DAB2IP: variants seen among roughly 807,000 people sequenced by gnomAD.
DAB2IP encodes disabled homolog 2-interacting protein.
DAB2IP carries 28 observed loss-of-function variants against 107.2 expected under a neutral mutation model. The observed-to-expected ratio is 0.26, with a 90% confidence interval of 0.19 to 0.36. The LOEUF (loss-of-function observed/expected upper bound fraction) is 0.36. DAB2IP is among the 10% of genes least tolerant of loss of function. DAB2IP has a pLI of 1.00. For synonymous variants in DAB2IP, 755 were observed against 706.4 expected (o/e 1.07, Z -1.09); for missense variants, 1,400 against 1,644.7 (o/e 0.85, Z 2.57).
At chr9:121,616,620 C>G (rs1257754380) in intron 1 of DAB2IP, among the ~76,000 whole-genome samples, 1 of 152,142 alleles carries the variant, frequency 6.6e-6, no homozygotes, top group Non-Finnish European at 1.5e-5. Flanking sequence ...TGCATGGGAG[C>G]GCTCCTGACT....
At chr9:121,761,089 C>T (rs1202599590) in intron 6 of DAB2IP, among the ~76,000 whole-genome samples, 2 of 152,198 alleles carry the variant, frequency 1.3e-5, no homozygotes, top group East Asian at 3.9e-4. Context: ...TTTCACCTTC[C>T]GCTCCCGAAG....
chr9:121,734,221 C>CA (rs1831727190), intron 3 of DAB2IP, among the ~76,000 whole-genome samples: 1 of 148,572 alleles, frequency 6.7e-6, no homozygotes, highest in South Asian at 2.1e-4. Flanking sequence ...ACTAAAAATA[C>CA]AAAAAATTAG....
At chr9:121,785,379 G>A (rs1386155744) in exon 16 of DAB2IP, 1 of 152,652 alleles carries the variant, frequency 6.6e-6, no homozygotes, top group African/African-American at 2.4e-5. Context: ...TGCAAACGTT[G>A]GAGTTTGGGC....
At chr9:121,648,942 G>A (rs1832641194), upstream of DAB2IP, among the ~76,000 whole-genome samples, 1 of 152,194 alleles carries the variant, frequency 6.6e-6, no homozygotes, top group Admixed American at 6.5e-5. Context: ...GGCGCCGGCG[G>A]GAGGTGGGAG....
intron 3 of DAB2IP, among the ~76,000 whole-genome samples, chr9:121,722,924 A>G (rs1354393435): frequency 6.6e-6 from 1 of 152,238 alleles, no homozygotes; most frequent in East Asian, 1.9e-4. Flanking sequence ...TTACTCCACC[A>G]AAAGCCACGG....
At chr9:121,650,776 T>G (rs1832712141), upstream of DAB2IP, among the ~76,000 whole-genome samples, 1 of 151,954 alleles carries the variant, frequency 6.6e-6, no homozygotes, top group East Asian at 1.9e-4. Flanking sequence ...GGGTGGACTT[T>G]GGTCGGGTGG....
At chr9:121,630,717 C>T (rs1831844992) in intron 1 of DAB2IP, among the ~76,000 whole-genome samples, 1 of 151,730 alleles carries the variant, frequency 6.6e-6, no homozygotes, top group African/African-American at 2.4e-5. Context: ...AAGCAATTCT[C>T]CTGCCTCAGC....
chr9:121,651,019 A>G (rs1180736271), upstream of DAB2IP, among the ~76,000 whole-genome samples: 1 of 152,152 alleles, frequency 6.6e-6, no homozygotes, highest in Non-Finnish European at 1.5e-5. This position sits in a 1 kb window ranked among gnomAD's most constrained non-coding sequence, Gnocchi z 5.1. Flanking sequence ...GGGAGTTGGT[A>G]CCTTTCCTTC....
rs1321797445 is a variant in DAB2IP at position 121,634,483 on chromosome 9, C to G, written c.41-44195C>G. On this transcript the variant is annotated intron_variant, in intron 1 of 16. Coordinates refer to the DAB2IP transcript ENST00000259371. The surrounding 1 kb of genome is among the most constrained non-coding windows in gnomAD (Gnocchi z 4.7). The stretch of plus-strand genomic sequence containing the variant: ...GCCCCACCCTGAGCCACTGTGGCCC[C>G]AGGTGTCCCCTTGTGCCTAGAAAGC... Among the ~76,000 whole-genome samples the G allele has an allele frequency of 6.6e-6, 1 of 152,158 alleles. No individual in the cohort carries two copies. The highest frequency in any genetic ancestry group is 1.5e-5 in the Non-Finnish European group (1 of 68,018).
At chr9:121,604,293 T>C (rs1830793473) in intron 1 of DAB2IP, among the ~76,000 whole-genome samples, 1 of 152,206 alleles carries the variant, frequency 6.6e-6, no homozygotes, top group South Asian at 2.1e-4. Flanking sequence ...TGAACGGTTC[T>C]AACCTCTCCC....
intron 1 of DAB2IP, among the ~76,000 whole-genome samples, chr9:121,636,167 C>T (rs981230610): frequency 2.6e-5 from 4 of 152,074 alleles, no homozygotes; most frequent in African/African-American, 9.7e-5. Context: ...CTCGGCCTCC[C>T]AAAGTGCTAG....
chr9:121,679,413 TACACACACACAC>T (rs3138857), intron 2 of DAB2IP, among the ~76,000 whole-genome samples: 12 of 135,632 alleles, frequency 8.8e-5, no homozygotes, highest in South Asian at 5.0e-4. Context: ...TTTGTGCATG[TACACACACACAC>T]ACACACACAC....
At chr9:121,646,862 A>G (rs913579016), upstream of DAB2IP, among the ~76,000 whole-genome samples, 1 of 152,048 alleles carries the variant, frequency 6.6e-6, no homozygotes, top group Non-Finnish European at 1.5e-5. Context: ...CTGGGTTCAA[A>G]TCCTGCCTCC....
Position 121,782,677 on chromosome 9 carries a change from C to T in DAB2IP, c.*179C>T. 1 of 1,432,646 alleles carries T rather than the reference C, an allele frequency of 7.0e-7. No individual in the cohort carries two copies. Among genetic ancestry groups the T allele is most frequent in the Non-Finnish European group, 9.1e-7 (1 of 1,097,524 alleles). The allele number at this position is 1,432,646 out of a possible 1,614,324, so 88.7% of individuals were successfully genotyped here. A position where few individuals can be genotyped will look rare whatever the true frequency, so the allele number is the denominator to read the frequency against. On this transcript the variant is annotated 3_prime_UTR_variant, in exon 16 of 16. Transcript: ENST00000408936. The surrounding 1 kb of genome is among the most constrained non-coding windows in gnomAD (Gnocchi z 6.1). ...CAGAGGGAGCCACCAGAGACTGAAG[C>T]AGCGTGAGGCGAGGTCACCAGCCGC...
intron 3 of DAB2IP, among the ~76,000 whole-genome samples, chr9:121,730,701 G>A (rs955023723): frequency 6.6e-6 from 1 of 152,244 alleles, no homozygotes; most frequent in Admixed American, 6.5e-5. Flanking sequence ...AAGTGCTTGT[G>A]GGAGAAGCAG....
chr9:121,747,661 T>C (rs1161670186), intron 3 of DAB2IP, among the ~76,000 whole-genome samples: 1 of 152,130 alleles, frequency 6.6e-6, no homozygotes, highest in Non-Finnish European at 1.5e-5. Flanking sequence ...TGCTCTTCTT[T>C]TAAAATTCAG....
chr9:121,695,824 C>T (rs1410474491), intron 2 of DAB2IP, among the ~76,000 whole-genome samples: 1 of 152,162 alleles, frequency 6.6e-6, no homozygotes. Context: ...CACTTACTGT[C>T]GGCTACACTC....
chr9:121,728,832 C>T (rs543263288), intron 3 of DAB2IP, among the ~76,000 whole-genome samples: 1 of 151,326 alleles, frequency 6.6e-6, no homozygotes, highest in South Asian at 2.1e-4. Context: ...GGGGGACAGC[C>T]AGGGGAAGGG....
intron 1 of DAB2IP, among the ~76,000 whole-genome samples, chr9:121,611,432 G>A (rs1419123348): frequency 6.6e-6 from 1 of 152,124 alleles, no homozygotes; most frequent in Non-Finnish European, 1.5e-5. Context: ...GTGGTCTAAG[G>A]TCCATCAGAC....
Sources: gnomAD v4.1 joint callset for allele counts (sites outside exome capture counted in the v4.1 genomes callset) on GRCh38, gnomAD v4.1.1 for gene constraint, Gnocchi (gnomAD v3.1) non-coding constraint, MANE v1.5 for transcripts, NCBI Gene and HGNC (gene_info 2026-07-23, HGNC 2026-07-21) for gene names.